Variants in FIGN observed in about 807,000 individuals in gnomAD.
The protein encoded by FIGN is fidgetin.
Under a neutral mutation model 51.3 loss-of-function variants are expected in FIGN, and 11 were observed. The observed-to-expected ratio is 0.21, with a 90% CI of 0.13 to 0.35. FIGN has a LOEUF of 0.35. Ranked by LOEUF, FIGN falls within the 10% of genes least tolerant of loss-of-function variation. FIGN has a pLI of 1.00. For missense variants in FIGN, 857 were observed against 943.6 expected, an observed-to-expected ratio of 0.91 and a Z score of 1.20; for synonymous variants, 407 against 363.2, an observed-to-expected ratio of 1.12 and a Z score of -1.37.
intron 2 of FIGN, among the ~76,000 whole-genome samples, chr2:163,714,151 A>G (rs1684631555): frequency 6.6e-6 from 1 of 152,114 alleles, no homozygotes; most frequent in Admixed American, 6.5e-5. Flanking sequence ...GTTTACCAAC[A>G]TTTTCATCAC....
At chr2:163,631,605 T>G (rs1683147027) in intron 2 of FIGN, among the ~76,000 whole-genome samples, 1 of 152,144 alleles carries the variant, frequency 6.6e-6, no homozygotes, top group South Asian at 2.1e-4. Context: ...CTTCCCTCCC[T>G]TTCCACCATT....
intron 2 of FIGN, among the ~76,000 whole-genome samples, chr2:163,733,071 C>G (rs779671666): frequency 6.6e-6 from 1 of 152,162 alleles, no homozygotes; most frequent in Non-Finnish European, 1.5e-5. Flanking sequence ...CCACTTTATA[C>G]ATATACACAA....
intron 2 of FIGN, among the ~76,000 whole-genome samples, chr2:163,643,634 G>C (rs1683337372): frequency 6.8e-6 from 1 of 147,486 alleles, no homozygotes; most frequent in Admixed American, 6.8e-5. Context: ...CTGGGCGACA[G>C]AGCTAGACTC....
At chr2:163,711,694 GATAAGA>G (rs1378883267) in intron 2 of FIGN, among the ~76,000 whole-genome samples, 1 of 151,026 alleles carries the variant, frequency 6.6e-6, no homozygotes, top group Non-Finnish European at 1.5e-5. Flanking sequence ...GTCCAAAAAG[GATAAGA>G]ATATTAACAG....
Position 163,610,050 on chromosome 2 carries a change from T to C in FIGN, c.1782A>G (p.Gln594=). The C allele has an allele frequency of 1.2e-6, 2 of 1,614,064 alleles. No individual in the cohort carries two copies. Among genetic ancestry groups the C allele is most frequent in the Non-Finnish European group, 1.7e-6 (2 of 1,179,972 alleles). The part of the protein sequence containing the change: ...VSDIDMLLSS[Q]VNEEHSPVSR... ...TGACTGGACTATGTTCCTCATTCAC[T>C]TGAGAGGAGAGAAGCATGTCAATGT... is the stretch of plus-strand genomic sequence containing the variant. Residue 594 remains glutamine, a synonymous_variant, in exon 3 of 3, where the codon CAA becomes CAG. Transcript: ENST00000333129.
chr2:163,615,696 T>TG (rs1682864617), intron 2 of FIGN, among the ~76,000 whole-genome samples: 1 of 152,164 alleles, frequency 6.6e-6, no homozygotes. Context: ...AACATGGAGA[T>TG]GGATCTCAGA....
At chr2:163,692,511 T>A (rs1166974274) in intron 2 of FIGN, among the ~76,000 whole-genome samples, 1 of 152,174 alleles carries the variant, frequency 6.6e-6, no homozygotes, top group Non-Finnish European at 1.5e-5. Flanking sequence ...CAGTCCAAAT[T>A]GAAAGCTATG....
At chr2:163,714,660 T>G (rs1684641524) in intron 2 of FIGN, among the ~76,000 whole-genome samples, 2 of 152,216 alleles carry the variant, frequency 1.3e-5, no homozygotes, top group Non-Finnish European at 2.9e-5. Flanking sequence ...TAAAAATAAC[T>G]GATTAGCATC....
intron 2 of FIGN, among the ~76,000 whole-genome samples, chr2:163,720,106 G>A (rs2105362268): frequency 6.6e-6 from 1 of 152,220 alleles, no homozygotes; most frequent in East Asian, 1.9e-4. Flanking sequence ...CTGGAATCTG[G>A]AAACATCTGG....
chr2:163,702,079 A>C (rs953738255), intron 2 of FIGN, among the ~76,000 whole-genome samples: 25 of 152,142 alleles, frequency 1.6e-4, no homozygotes, highest in African/African-American at 6.0e-4. Context: ...AAATTGAATA[A>C]GCCTGGTCCA....
rs187883790 is a variant in FIGN, at chr2:163,718,392, T to G, written c.25+16511A>C. ...CAACCTCATGTTGATTTCATTTGGA[T>G]GTAACAGTGTCAGGATTACAGATAT... On this transcript the variant is annotated intron_variant, in intron 2 of 2. Coordinates refer to ENST00000333129, the MANE Select transcript of FIGN (RefSeq NM_018086.4). 5.3e-5 allele frequency among the ~76,000 whole-genome samples: 8 copies of G among 152,318 alleles called. No homozygotes were observed. In the East Asian group the frequency reaches 1.5e-3, roughly 29 times the overall value.
rs1691197898 is a variant in FIGN at position 163,609,947 on chromosome 2, C to T, written c.1885G>A (p.Ala629Thr). 1 of 1,613,772 alleles carries T rather than the reference C, an allele frequency of 6.2e-7. No individual in the cohort carries two copies. Among genetic ancestry groups the T allele is most frequent in the African/African-American group, 1.3e-5 (1 of 74,890 alleles). ...SAEDQIVVIC[A>T]TSKPEEIDES... The stretch of plus-strand genomic sequence containing the variant: ...TCTATTTCTTCTGGTTTACTGGTGG[C>T]ACAAATTACTACGATTTGGTCCTCA... Residue 629 changes from alanine to threonine, a missense_variant, in exon 3 of 3, where the codon GCC becomes ACC. Coordinates refer to ENST00000333129, the MANE Select transcript of FIGN (RefSeq NM_018086.4).
At chr2:163,617,298 T>C in intron 2 of FIGN, 1 of 923,754 alleles carries the variant, frequency 1.1e-6, no homozygotes, top group Non-Finnish European at 1.3e-6. Flanking sequence ...ATAAGCTGAA[T>C]GTAACAGAGG....
intron 2 of FIGN, among the ~76,000 whole-genome samples, chr2:163,734,033 T>C (rs1288729480): frequency 2.6e-5 from 4 of 151,802 alleles, no homozygotes; most frequent in Non-Finnish European, 1.5e-5. Flanking sequence ...TTGTTCCCTC[T>C]GTCTTAATTG....
chr2:163,713,289 G>C lies in FIGN; in HGVS notation c.25+21614C>G, dbSNP rs1019792731. Among the ~76,000 whole-genome samples the C allele has an allele frequency of 7.2e-5, 11 of 152,252 alleles. No individual in the cohort carries two copies. In the South Asian group the frequency reaches 2.1e-3, roughly 29 times the overall value. ...GATAGCCTTGTTCTTTTAAACCTTAGTGAATCAAGTTCGGTAAAGGTGAAG... is the reference window on the plus strand; with the variant it reads ...GATAGCCTTGTTCTTTTAAACCTTACTGAATCAAGTTCGGTAAAGGTGAAG... On this transcript the variant is annotated intron_variant, in intron 2 of 2. Transcript: ENST00000333129.
intron 2 of FIGN, among the ~76,000 whole-genome samples, chr2:163,684,608 A>T (rs76233515): frequency 1.8e-3 from 276 of 152,260 alleles, no homozygotes; most frequent in African/African-American, 5.8e-3. Flanking sequence ...ACATGTCCCC[A>T]CTTTAGGCTT....
chr2:163,613,767 A>G (rs974056087), intron 2 of FIGN, among the ~76,000 whole-genome samples: 1 of 152,232 alleles, frequency 6.6e-6, no homozygotes, highest in Admixed American at 6.5e-5. Context: ...ATAAATGAAT[A>G]AAGCAACAGG....
chr2:163,712,896 T>G (rs1164812218), intron 2 of FIGN, among the ~76,000 whole-genome samples: 1 of 152,204 alleles, frequency 6.6e-6, no homozygotes. Flanking sequence ...GCTATTATAG[T>G]AATCATTTCT....
intron 2 of FIGN, among the ~76,000 whole-genome samples, chr2:163,623,945 C>T (rs1321855609): frequency 1.3e-5 from 2 of 152,000 alleles, no homozygotes; most frequent in Non-Finnish European, 2.9e-5. Flanking sequence ...CCATAGCTTC[C>T]AGAAGCATTA....
Sources: gnomAD v4.1 joint callset for allele counts (sites outside exome capture counted in the v4.1 genomes callset) on GRCh38, gnomAD v4.1.1 for gene constraint, MANE v1.5 for transcripts, NCBI Gene and HGNC (gene_info 2026-07-23, HGNC 2026-07-21) for gene names.